CUX1: variants seen among roughly 807,000 people sequenced by gnomAD.
The protein encoded by CUX1 is cut like homeobox 1, also known as protein CASP.
CUX1 carries 31 observed loss-of-function variants against 158.8 expected under a neutral mutation model. The observed-to-expected ratio is 0.20, with a 90% confidence interval of 0.15 to 0.26. The LOEUF (loss-of-function observed/expected upper bound fraction) is 0.26. Among genes scored for constraint, CUX1 ranks in the 10% least tolerant of loss-of-function variants. The pLI, the probability that CUX1 is intolerant of heterozygous loss-of-function variation, is 1.00. For missense variants in CUX1, 1,589 were observed against 2,014.6 expected (o/e 0.79, Z 4.04); for synonymous variants, 879 against 862.1 (o/e 1.02, Z -0.34).
At chr7:102,204,785 T>C (rs985290165) in intron 19 of CUX1, among the ~76,000 whole-genome samples, 4 of 152,270 alleles carry the variant, frequency 2.6e-5, no homozygotes, top group Non-Finnish European at 5.9e-5. Flanking sequence ...GCCTGTCTAA[T>C]TTTATAAGCA....
intron 14 of CUX1, among the ~76,000 whole-genome samples, chr7:102,266,409 G>A (rs1442370680): frequency 1.3e-5 from 2 of 151,800 alleles, no homozygotes; most frequent in Non-Finnish European, 2.9e-5. Context: ...ACTTGGGCTT[G>A]GGGAGTACAG....
chr7:102,128,847 ATGTGT>A (rs1832925017), intron 8 of CUX1, among the ~76,000 whole-genome samples: 1 of 151,854 alleles, frequency 6.6e-6, no homozygotes, highest in Non-Finnish European at 1.5e-5. Context: ...GCGTGGTGGC[ATGTGT>A]CTGTAATTCT....
intron 2 of CUX1, among the ~76,000 whole-genome samples, chr7:102,010,504 G>A (rs745993450): frequency 1.3e-5 from 2 of 151,928 alleles, no homozygotes; most frequent in Admixed American, 6.6e-5. Context: ...CATGGAATTC[G>A]TGATTGGGCC....
At chr7:102,178,872 CT>C (rs141365164) in intron 11 of CUX1, among the ~76,000 whole-genome samples, 2 of 151,368 alleles carry the variant, frequency 1.3e-5, no homozygotes, top group Non-Finnish European at 1.5e-5. Flanking sequence ...GCATTTCCCT[CT>C]TTTTTTTTGG....
intron 1 of CUX1, among the ~76,000 whole-genome samples, chr7:101,885,080 T>G (rs774679213): frequency 6.6e-6 from 1 of 152,232 alleles, no homozygotes; most frequent in African/African-American, 2.4e-5. Flanking sequence ...TTTGTTGAAC[T>G]GAATTATTTT....
At chr7:101,857,315 A>C (rs540019645) in intron 1 of CUX1, among the ~76,000 whole-genome samples, 1 of 152,384 alleles carries the variant, frequency 6.6e-6, no homozygotes, top group African/African-American at 2.4e-5. Flanking sequence ...CTGCAGAAAT[A>C]AAAAGAAATA....
At chr7:102,140,160 T>C (rs1029709924) in intron 8 of CUX1, among the ~76,000 whole-genome samples, 36 of 152,246 alleles carry the variant, frequency 2.4e-4, no homozygotes, top group African/African-American at 8.7e-4. Flanking sequence ...CTTCTAAGGC[T>C]TGGCTTTGAA....
chr7:101,937,116 G>A (rs1807034432), intron 2 of CUX1, among the ~76,000 whole-genome samples: 1 of 152,106 alleles, frequency 6.6e-6, no homozygotes, highest in Non-Finnish European at 1.5e-5. Context: ...TGTGTCCCCT[G>A]CCGGGACTGT....
intron 1 of CUX1, among the ~76,000 whole-genome samples, chr7:101,831,351 T>G (rs1297382846): frequency 6.6e-6 from 1 of 151,616 alleles, no homozygotes; most frequent in Non-Finnish European, 1.5e-5. Flanking sequence ...AGTGCAGTGG[T>G]GCAATCTCGG....
Position 102,248,459 on chromosome 7 carries a change from G to A in CUX1, c.3935G>A (p.Ser1312Asn), listed in dbSNP as rs782051319. ...ELFIEEIQAG[S>N]QGQAGASDSP... ...TTCATTGAGGAAATTCAGGCCGGGA[G>A]TCAGGGCCAGGCGGGCGCCAGCGAC... Residue 1312 changes from serine to asparagine, a missense_variant, in exon 24 of 24, where the codon AGT becomes AAT. Physicochemically the swap from Ser to Asn is conservative, Grantham distance 46. This residue lies in a region of CUX1 where 344 missense variants were observed against 323.7 expected (regional missense o/e 1.06). Transcript: ENST00000292535. The surrounding 1 kb of genome is among the most constrained non-coding windows in gnomAD (Gnocchi z 5.8). 5.6e-6 allele frequency: 9 copies of A among 1,598,924 alleles called. No individual in the cohort carries two copies. The highest frequency in any genetic ancestry group is 7.7e-6 in the Non-Finnish European group (9 of 1,176,224).
At chr7:101,851,251 A>G (rs186603917) in intron 1 of CUX1, among the ~76,000 whole-genome samples, 2 of 152,338 alleles carry the variant, frequency 1.3e-5, no homozygotes, top group Admixed American at 6.5e-5. Flanking sequence ...ATGTATGCCT[A>G]AACTCTCCTC....
chr7:102,111,112 T>TC (rs1382434844), intron 6 of CUX1, among the ~76,000 whole-genome samples: 2 of 151,322 alleles, frequency 1.3e-5, no homozygotes, highest in African/African-American at 4.9e-5. Flanking sequence ...TTTTTTTTTT[T>TC]CCCCCAGATT....
At chr7:102,188,378 C>T (rs1461994356) in intron 11 of CUX1, among the ~76,000 whole-genome samples, 2 of 152,122 alleles carry the variant, frequency 1.3e-5, no homozygotes, top group African/African-American at 4.8e-5. Flanking sequence ...GCCTCATTTC[C>T]TCCAAGGAGC....
intron 23 of CUX1, among the ~76,000 whole-genome samples, chr7:102,247,271 C>T (rs1257321812): frequency 6.6e-6 from 1 of 151,902 alleles, no homozygotes; most frequent in Admixed American, 6.6e-5. Context: ...CTACCCTGGA[C>T]CACAAGCCCC....
At chr7:102,182,468 G>A (rs1554514257) in intron 11 of CUX1, among the ~76,000 whole-genome samples, 2 of 152,144 alleles carry the variant, frequency 1.3e-5, no homozygotes. Flanking sequence ...ATTTCACAAG[G>A]ATACCAGACA....
chr7:102,132,359 A>G (rs969692044), intron 8 of CUX1, among the ~76,000 whole-genome samples: 2 of 151,952 alleles, frequency 1.3e-5, no homozygotes, highest in Non-Finnish European at 2.9e-5. Flanking sequence ...CAGAACAATA[A>G]GAAAAAGTTT....
chr7:102,246,574 G>GT (rs67892587), intron 23 of CUX1, among the ~76,000 whole-genome samples: 123,741 of 149,018 alleles, frequency 0.83, 52,177 homozygotes, highest in East Asian at 0.94. Context: ...GAAAACCTTT[G>GT]TTTTTTTTTT....
chr7:102,129,544 C>T (rs782610737), intron 8 of CUX1, among the ~76,000 whole-genome samples: 1 of 151,992 alleles, frequency 6.6e-6, no homozygotes, highest in East Asian at 1.9e-4. Context: ...ATTAGCTGGG[C>T]GTGGTAGTGG....
intron 4 of CUX1, among the ~76,000 whole-genome samples, chr7:102,074,784 C>T (rs1035161745): frequency 5.3e-5 from 8 of 152,332 alleles, no homozygotes; most frequent in Non-Finnish European, 7.4e-5. Flanking sequence ...CTGATGTGTC[C>T]GGCAGAAGCC....
Sources: allele counts gnomAD v4.1 joint callset (sites outside exome capture counted in the v4.1 genomes callset), GRCh38; gene constraint gnomAD v4.1.1; regional missense constraint gnomAD v4.1.1; non-coding constraint Gnocchi (gnomAD v3.1); transcripts MANE v1.5; gene names NCBI Gene and HGNC (gene_info 2026-07-23, HGNC 2026-07-21).